The following ITCH variants were observed in gnomAD, a reference collection of about 807,000 sequenced individuals.
ITCH encodes the protein itchy E3 ubiquitin protein ligase, also known as E3 ubiquitin-protein ligase Itchy homolog.
A neutral mutation model predicts 126.8 loss-of-function variants in ITCH; 28 were observed. The observed-to-expected ratio is 0.22, with a 90% CI of 0.16 to 0.30. The LOEUF (loss-of-function observed/expected upper bound fraction) is 0.30, where lower values mean the gene tolerates loss of function less well. Ranked by LOEUF, ITCH falls within the 10% of genes least tolerant of loss-of-function variation. ITCH has a pLI of 1.00. For synonymous variants in ITCH, 342 were observed against 340.0 expected (o/e 1.01, Z -0.06); for missense variants, 631 against 1,032.4 (o/e 0.61, Z 5.33).
chr20:34,487,113 G>A (rs1158602688), intron 20 of ITCH, among the ~76,000 whole-genome samples: 2 of 146,534 alleles, frequency 1.4e-5, no homozygotes, highest in South Asian at 2.1e-4. Context: ...CTGGGTTCAC[G>A]TCATTCTCCT....
At chr20:34,442,168 C>T in intron 9 of ITCH, 40 bp from the exon 10 acceptor site, 3 of 1,448,776 alleles carry the variant, frequency 2.1e-6, no homozygotes, top group Non-Finnish European at 2.9e-6. Flanking sequence ...CCAGGTAACT[C>T]ATGCAAGTAT....
At position 34,367,995 on chromosome 20, in the gene ITCH, G is replaced by C. The variant is rs577734863; in HGVS notation, c.-98-1399G>C. On this transcript the variant is annotated intron_variant, in intron 1 of 24. Coordinates refer to ENST00000374864, the MANE Select transcript of ITCH (RefSeq NM_031483.7). ...CTTAAGAAATTTGTGTTAGGGCCGG[G>C]CGCGGTGGCTCATGCCTGTAATCCC... Among the ~76,000 whole-genome samples the C allele has an allele frequency of 2.2e-3, 329 of 152,296 alleles. 1 individual carries two copies. Among genetic ancestry groups the C allele is most frequent in the Non-Finnish European group, 2.1e-3 (145 of 68,034 alleles).
intron 23 of ITCH, among the ~76,000 whole-genome samples, chr20:34,497,197 A>G (rs961774997): frequency 1.3e-5 from 2 of 151,990 alleles, no homozygotes; most frequent in Admixed American, 6.6e-5. Context: ...GGGTTTCTCT[A>G]TGTTGGTCAG....
intron 12 of ITCH, among the ~76,000 whole-genome samples, chr20:34,456,555 C>T (rs1694532953): frequency 6.8e-6 from 1 of 147,210 alleles, no homozygotes; most frequent in South Asian, 2.2e-4. Flanking sequence ...ATCACCTGAA[C>T]CTGGGAGGTC....
At chr20:34,421,889 T>G (rs1177359201) in intron 6 of ITCH, among the ~76,000 whole-genome samples, 5 of 152,088 alleles carry the variant, frequency 3.3e-5, no homozygotes, top group Non-Finnish European at 7.4e-5. Flanking sequence ...GTGGCATGCA[T>G]CCATGCATCC....
chr20:34,405,578 G>T (rs547306187), intron 3 of ITCH, among the ~76,000 whole-genome samples: 2 of 152,208 alleles, frequency 1.3e-5, no homozygotes, highest in South Asian at 4.1e-4. Context: ...TCAGCCTTGC[G>T]TTGCTCTTTG....
chr20:34,409,206 A>T (rs1372955336), intron 4 of ITCH, among the ~76,000 whole-genome samples: 1 of 101,692 alleles, frequency 9.8e-6, no homozygotes. Context: ...TCTTTGTTTT[A>T]TTTTGAGATA....
intron 14 of ITCH, among the ~76,000 whole-genome samples, chr20:34,468,512 C>T (rs958563445): frequency 1.3e-5 from 2 of 151,506 alleles, no homozygotes; most frequent in African/African-American, 2.4e-5. Flanking sequence ...AAATACAGGC[C>T]GGGCATGGTG....
At chr20:34,432,238 T>C (rs1404516149) in intron 7 of ITCH, among the ~76,000 whole-genome samples, 1 of 152,118 alleles carries the variant, frequency 6.6e-6, no homozygotes, top group African/African-American at 2.4e-5. Flanking sequence ...TTTTAAAAAA[T>C]TAAACTAAAA....
chr20:34,449,754 GAATGGGCTATTGATAC>G (rs1407028433), intron 12 of ITCH, among the ~76,000 whole-genome samples: 1 of 152,020 alleles, frequency 6.6e-6, no homozygotes, highest in Non-Finnish European at 1.5e-5. Flanking sequence ...AATAAAAAAG[GAATGGGCTATTGATAC>G]ACCAGTAGGT....
intron 14 of ITCH, 22 bp downstream of exon 14, chr20:34,462,243 G>C (rs1986603713): frequency 6.2e-7 from 1 of 1,610,004 alleles, no homozygotes; most frequent in Non-Finnish European, 8.5e-7. Flanking sequence ...AAACATTGTA[G>C]ATTAAGAGTA....
chr20:34,509,929 A>G lies in ITCH; in HGVS notation c.*2135A>G, dbSNP rs1024977717. The G allele has an allele frequency of 2.0e-5, 3 of 152,522 alleles. No individual in the cohort carries two copies. The highest frequency in any genetic ancestry group is 7.2e-5 in the African/African-American group (3 of 41,430). The allele number at this position is 152,522 out of a possible 1,614,324, so 9.4% of individuals were successfully genotyped here. A position where few individuals can be genotyped will look rare whatever the true frequency, so the allele number is the denominator to read the frequency against. On this transcript the variant is annotated 3_prime_UTR_variant, in exon 25 of 25. Transcript: ENST00000374864. ...AGAAAATACATTTTTTTGGTTCTATATAATGCTTCATGATTCATTTAGGGA... is the reference window on the plus strand; with the variant it reads ...AGAAAATACATTTTTTTGGTTCTATGTAATGCTTCATGATTCATTTAGGGA...
intron 20 of ITCH, among the ~76,000 whole-genome samples, chr20:34,485,782 A>G (rs1989062316): frequency 6.6e-6 from 1 of 152,176 alleles, no homozygotes; most frequent in South Asian, 2.1e-4. Flanking sequence ...TCCTGGGATC[A>G]AAGGATCCCC....
At chr20:34,414,430 G>A (rs955723908) in intron 6 of ITCH, among the ~76,000 whole-genome samples, 4 of 150,734 alleles carry the variant, frequency 2.7e-5, no homozygotes, top group Admixed American at 1.3e-4. Flanking sequence ...AGCAGTGTGG[G>A]GCTGAGTTTA....
At chr20:34,370,862 G>A (rs908045773) in intron 2 of ITCH, among the ~76,000 whole-genome samples, 1 of 151,942 alleles carries the variant, frequency 6.6e-6, no homozygotes, top group African/African-American at 2.4e-5. Flanking sequence ...AGTTGAGCAG[G>A]TGAATTGTTA....
chr20:34,466,215 T>C (rs1987047341), intron 14 of ITCH: 1 of 357,986 alleles, frequency 2.8e-6, no homozygotes, highest in Non-Finnish European at 5.5e-6. Context: ...ATGTGGTATA[T>C]TATGTTGATT....
intron 2 of ITCH, among the ~76,000 whole-genome samples, chr20:34,371,768 G>A (rs2122983562): frequency 1.3e-5 from 2 of 152,252 alleles, no homozygotes; most frequent in Non-Finnish European, 2.9e-5. Context: ...AGGTATTTGA[G>A]CCAACATTCA....
At chr20:34,477,994 T>C in intron 17 of ITCH, 134 bp downstream of exon 17, 2 of 1,151,996 alleles carry the variant, frequency 1.7e-6, no homozygotes, top group Non-Finnish European at 2.5e-6. Flanking sequence ...ACCTTTATTA[T>C]GCTGTAGCTA....
At chr20:34,453,381 G>A (rs996373187) in intron 12 of ITCH, among the ~76,000 whole-genome samples, 1 of 152,188 alleles carries the variant, frequency 6.6e-6, no homozygotes, top group African/African-American at 2.4e-5. Flanking sequence ...GGAGGCCAAG[G>A]CTTGTGTCCA....
Sources: allele counts gnomAD v4.1 joint callset (sites outside exome capture counted in the v4.1 genomes callset), GRCh38; gene constraint gnomAD v4.1.1; transcripts MANE v1.5; gene names NCBI Gene and HGNC (gene_info 2026-07-23, HGNC 2026-07-21).